The following MRPS7 variants were observed in gnomAD, a reference collection of about 807,000 sequenced individuals.
MRPS7 encodes mitochondrial ribosomal protein S7, also known as small ribosomal subunit protein uS7m.
MRPS7 carries 13 observed loss-of-function variants against 26.2 expected under a neutral mutation model. The ratio of observed to expected loss-of-function variants is 0.50; its 90% CI spans 0.32 to 0.79. The LOEUF is 0.79. Ranked by LOEUF, MRPS7 falls within the 30% of genes least tolerant of loss-of-function variation. The pLI is 0.03. For missense variants in MRPS7, 318 were observed against 312.2 expected (o/e 1.02, Z -0.14); for synonymous variants, 129 against 113.3 (o/e 1.14, Z -0.88).
At position 75,262,679 on chromosome 17, in the gene MRPS7, C is replaced by A. The variant is rs773023880; in HGVS notation, c.266C>A (p.Pro89Gln). 3.1e-6 allele frequency: 5 copies of A among 1,614,046 alleles called. No homozygotes were observed. In the African/African-American group the frequency reaches 6.7e-5, roughly 22 times the overall value. The change falls in exon 2 of 5, where the codon CCA becomes CAA. Residue 89 changes from proline to glutamine, a missense_variant. Transcript: ENST00000245539. Reference protein sequence around the residue: ...AGKTSSVFEDPVISKFTNMMM... With the variant: ...AGKTSSVFEDQVISKFTNMMM... ...AAAACAAGTTCTGTGTTTGAAGACCCAGTCATCAGGTTAGATGGAAACAAA... is the reference window on the plus strand; with the variant it reads ...AAAACAAGTTCTGTGTTTGAAGACCAAGTCATCAGGTTAGATGGAAACAAA...
chr17:75,266,282 T>C lies in MRPS7; in HGVS notation c.*359T>C, dbSNP rs1405144698. On this transcript the variant is annotated 3_prime_UTR_variant, in exon 5 of 5. Coordinates refer to ENST00000245539, the MANE Select transcript of MRPS7 (RefSeq NM_015971.4). ...ATTCTCACGCTGAACTGGTGTAGCA[T>C]GTGGTGCAGCATTCAGTGAAACTGG... is the stretch of plus-strand genomic sequence containing the variant. The C allele has an allele frequency of 8.1e-6, 3 of 372,132 alleles. No homozygotes were observed. Among genetic ancestry groups the C allele is most frequent in the Admixed American group, 4.2e-5 (1 of 23,562 alleles). The allele number at this position is 372,132 out of a possible 1,614,324, so 23.1% of individuals were successfully genotyped here. A position where few individuals can be genotyped will look rare whatever the true frequency, so the allele number is the denominator to read the frequency against.
rs867912858 is a variant in MRPS7 at position 75,262,692 on chromosome 17, A to G, written c.275+4A>G. ...TGTTTGAAGACCCAGTCATCAGGTT[A>G]GATGGAAACAAACACTTGTTACATG... On this transcript the variant is annotated splice_donor_region_variant and intron_variant, in intron 2 of 4. Coordinates refer to ENST00000245539, the MANE Select transcript of MRPS7 (RefSeq NM_015971.4). 2 of 1,614,158 alleles carry G rather than the reference A, an allele frequency of 1.2e-6. No individual in the cohort carries two copies. Among genetic ancestry groups the G allele is most frequent in the African/African-American group, 1.3e-5 (1 of 75,064 alleles).
chr17:75,262,348 G>A (rs1386581238), intron 1 of MRPS7, 149 bp from the exon 2 acceptor site: 1 of 853,394 alleles, frequency 1.2e-6, no homozygotes, highest in Non-Finnish European at 1.9e-6. Flanking sequence ...CTTGGGACAA[G>A]GGCCTGAATT....
intron 3 of MRPS7, 153 bp from the exon 4 acceptor site, chr17:75,263,187 A>G: frequency 1.2e-6 from 1 of 848,620 alleles, no homozygotes; most frequent in Non-Finnish European, 1.8e-6. Context: ...GCAAAGGGGG[A>G]GGCACTTAAA....
At chr17:75,262,099 A>G in intron 1 of MRPS7, 116 bp downstream of exon 1, 1 of 1,248,126 alleles carries the variant, frequency 8.0e-7, no homozygotes, top group Non-Finnish European at 1.1e-6. Flanking sequence ...ATCTGGATTC[A>G]AGCTTCTAAG....
chr17:75,263,715 C>T, intron 4 of MRPS7: 2 of 592,646 alleles, frequency 3.4e-6, no homozygotes, highest in African/African-American at 3.8e-5. Context: ...CCCGTCTCTA[C>T]AAAAAAAACA....
Position 75,266,188 on chromosome 17 carries a change from C to T in MRPS7, c.*265C>T, listed in dbSNP as rs1367837722. ...GAAACTCAGGGCTGTTTTCTCTTCC[C>T]TTAGGTTGGGGCGGACCTTTGGATA... On this transcript the variant is annotated 3_prime_UTR_variant, in exon 5 of 5. Transcript: ENST00000245539. 1.5e-5 allele frequency: 8 copies of T among 529,280 alleles called. No homozygotes were observed. The highest frequency in any genetic ancestry group is 8.6e-5 in the South Asian group (4 of 46,644). 32.8% of individuals were successfully genotyped at this position (529,280 alleles called of 1,614,324 possible). A position where few individuals can be genotyped will look rare whatever the true frequency, so the allele number is the denominator to read the frequency against.
intron 3 of MRPS7, 88 bp from the exon 4 acceptor site, chr17:75,263,252 G>A (rs2077436803): frequency 1.3e-6 from 2 of 1,517,928 alleles, no homozygotes; most frequent in African/African-American, 1.4e-5. Flanking sequence ...CAGAACCAGA[G>A]GATGGGAGTA....
chr17:75,264,853 A>G (rs2077461001), intron 4 of MRPS7, among the ~76,000 whole-genome samples: 3 of 151,366 alleles, frequency 2.0e-5, no homozygotes, highest in Admixed American at 1.3e-4. Context: ...ATGCCCAGCT[A>G]ATTTTTTTGT....
At chr17:75,263,583 C>A in intron 4 of MRPS7, 76 bp downstream of exon 4, 1 of 1,569,792 alleles carries the variant, frequency 6.4e-7, no homozygotes, top group South Asian at 1.1e-5. Flanking sequence ...GGAGTTGGGT[C>A]AAGATTGATA....
intron 4 of MRPS7, chr17:75,263,724 C>CA: frequency 1.7e-6 from 1 of 590,158 alleles, no homozygotes; most frequent in Non-Finnish European, 2.9e-6. Flanking sequence ...ACAAAAAAAA[C>CA]AAAAAAATTA....
chr17:75,265,974 A>C lies in MRPS7; in HGVS notation c.*51A>C, dbSNP rs767709317. Reference sequence around the variant, plus strand: ...TCTGCCGCAAGAAACAGTGTGAGCTACTGCCACGCTGAAAACTACCTGTGG... The same window carrying C: ...TCTGCCGCAAGAAACAGTGTGAGCTCCTGCCACGCTGAAAACTACCTGTGG... On this transcript the variant is annotated 3_prime_UTR_variant, in exon 5 of 5. Transcript: ENST00000245539. 11 of 1,554,664 alleles carry C rather than the reference A, an allele frequency of 7.1e-6. No homozygotes were observed. Among genetic ancestry groups the C allele is most frequent in the Non-Finnish European group, 9.7e-6 (11 of 1,132,990 alleles).
At position 75,262,140 on chromosome 17, in the gene MRPS7, G is replaced by A. The variant is rs574082547; in HGVS notation, c.83+157G>A. 9.3e-4 allele frequency: 808 copies of A among 866,770 alleles called. No individual in the cohort carries two copies. In the Middle Eastern group the frequency reaches 0.013, roughly 14 times the overall value. The allele number at this position is 866,770 out of a possible 1,614,324, so 53.7% of individuals were successfully genotyped here. On this transcript the variant is annotated intron_variant, in intron 1 of 4. Coordinates refer to ENST00000245539, the MANE Select transcript of MRPS7 (RefSeq NM_015971.4). ...TGCGTGACCCTGCGCCAATCCGAAG[G>A]TTTAGTGACTACCTCTCGCCTAAGG...
chr17:75,265,195 C>T (rs8067326), intron 4 of MRPS7, among the ~76,000 whole-genome samples: 103,868 of 148,348 alleles, frequency 0.7, 39,210 homozygotes, highest in East Asian at 0.86. Flanking sequence ...CCTGCCACCA[C>T]GCCCAGCTAA....
rs187565224 is a variant in MRPS7 at position 75,263,503 on chromosome 17, A to T, written c.503A>T (p.Tyr168Phe). 12 of 1,613,972 alleles carry T rather than the reference A, an allele frequency of 7.4e-6. No individual in the cohort carries two copies. In the East Asian group the frequency reaches 2.7e-4, roughly 36 times the overall value. ...CCCATCCTCAAGGGAGGCCGTTTCT[A>T]CCAGGTGAATGAATGGCCAGGGCAA... is the stretch of plus-strand genomic sequence containing the variant. ...LVPILKGGRF[Y>F]QVPVPLPDRR... Residue 168 changes from tyrosine (Y) to phenylalanine (F), a missense_variant, in exon 4 of 5, where the codon TAC (tyrosine) becomes TTC (phenylalanine). Physicochemically the swap from Tyr to Phe is conservative, Grantham distance 22. Transcript: ENST00000245539.
chr17:75,263,724 CAA>C (rs1320542666), intron 4 of MRPS7: 2 of 590,042 alleles, frequency 3.4e-6, no homozygotes, highest in Admixed American at 3.2e-5. Context: ...ACAAAAAAAA[CAA>C]AAAAATTAGC....
chr17:75,264,373 T>C (rs778678384), intron 4 of MRPS7: 3 of 152,200 alleles, frequency 2.0e-5, no homozygotes, highest in Non-Finnish European at 4.4e-5. Context: ...ACTATTCATA[T>C]CCTGTCTTTG....
intron 3 of MRPS7, 37 bp downstream of exon 3, chr17:75,262,904 C>T (rs1430929740): frequency 1.3e-6 from 2 of 1,596,406 alleles, no homozygotes; most frequent in East Asian, 2.2e-5. Flanking sequence ...TCTTTCTTGC[C>T]CCCCTACCCC....
At position 75,265,794 on chromosome 17, in the gene MRPS7, G is replaced by A. The variant is rs750449573; in HGVS notation, c.600G>A (p.Leu200=). The change falls in exon 5 of 5, where the codon CTG becomes CTA. Residue 200 remains leucine (L), a synonymous_variant. Transcript: ENST00000245539. ...GGGATAAAAAGCACCAGCGGACACT[G>A]ATGCCGGAGAAGCTGTCACACAAGC... The part of the protein sequence containing the change: ...ECRDKKHQRT[L]MPEKLSHKLL... The A allele has an allele frequency of 2.5e-6, 4 of 1,614,212 alleles. No individual in the cohort carries two copies. The South Asian group carries it at 4.4e-5, about 18-fold the overall frequency.
Sources: gnomAD v4.1 joint callset for allele counts (sites outside exome capture counted in the v4.1 genomes callset) on GRCh38, gnomAD v4.1.1 for gene constraint, MANE v1.5 for transcripts, NCBI Gene and HGNC (gene_info 2026-07-23, HGNC 2026-07-21) for gene names.